SDK1: variants seen among roughly 807,000 people sequenced by gnomAD.
The protein encoded by SDK1 is sidekick cell adhesion molecule 1, also known as protein sidekick-1.
In SDK1, 157 loss-of-function variants were observed where a neutral mutation model predicts 245.5. The ratio of observed to expected loss-of-function variants is 0.64; its 90% CI spans 0.56 to 0.73. SDK1 has a LOEUF of 0.73. Among genes scored for constraint, SDK1 ranks in the 30% least tolerant of loss-of-function variants. SDK1 has a pLI of 0.00. For synonymous variants in SDK1, 1,647 were observed against 1,278.5 expected (o/e 1.29, Z -6.15); for missense variants, 3,583 against 3,002.3 (o/e 1.19, Z -4.52).
intron 1 of SDK1, among the ~76,000 whole-genome samples, chr7:3,447,391 T>C (rs371168024): frequency 6.6e-5 from 10 of 151,868 alleles, no homozygotes; most frequent in African/African-American, 2.4e-4. Flanking sequence ...TATCTCTTCA[T>C]ACTCTTCCCC....
chr7:3,569,743 TCTTA>T (rs1780048953), intron 1 of SDK1, among the ~76,000 whole-genome samples: 1 of 152,230 alleles, frequency 6.6e-6, no homozygotes, highest in Non-Finnish European at 1.5e-5. Flanking sequence ...TTAAGGCTCA[TCTTA>T]CTTTGTTTGA....
intron 1 of SDK1, among the ~76,000 whole-genome samples, chr7:3,373,526 C>G (rs1040598275): frequency 2.0e-5 from 3 of 152,084 alleles, no homozygotes; most frequent in Non-Finnish European, 4.4e-5. Flanking sequence ...TTAACATAGT[C>G]AAAGGTGTGT....
rs1039121207 is a variant in SDK1, at chr7:3,897,995, C to T, written c.848-52928C>T. On this transcript the variant is annotated intron_variant, in intron 5 of 44. Transcript: ENST00000404826. ...TTGCCCTCCTTTCCTTCCATGTGTG[C>T]ACAGTACACTGACCCAGGAAGCCGC... 3.3e-5 allele frequency among the ~76,000 whole-genome samples: 5 copies of T among 151,920 alleles called. No individual in the cohort carries two copies. The South Asian group carries it at 1.0e-3, about 32-fold the overall frequency.
intron 36 of SDK1, among the ~76,000 whole-genome samples, chr7:4,207,292 C>G (rs963758096): frequency 2.4e-4 from 37 of 152,206 alleles, no homozygotes; most frequent in African/African-American, 7.0e-4. Context: ...CTGGTTTAGA[C>G]CCACAGAGCC....
intron 1 of SDK1, among the ~76,000 whole-genome samples, chr7:3,595,161 T>TA: frequency 6.6e-6 from 1 of 152,110 alleles, no homozygotes; most frequent in Non-Finnish European, 1.5e-5. Flanking sequence ...GCCTGAATAA[T>TA]GTGAGCTTTT....
chr7:4,238,732 T>C, intron 42 of SDK1, among the ~76,000 whole-genome samples: 1 of 151,632 alleles, frequency 6.6e-6, no homozygotes, highest in East Asian at 2.0e-4. Context: ...ATTTTTAATA[T>C]GGATGGGGTT....
At chr7:3,346,816 T>TAG (rs1780515627) in intron 1 of SDK1, among the ~76,000 whole-genome samples, 2 of 61,602 alleles carry the variant, frequency 3.2e-5, no homozygotes, top group African/African-American at 1.4e-4. Context: ...TGTATATATA[T>TAG]ATATATATAT....
At position 3,448,961 on chromosome 7, in the gene SDK1, A is replaced by C. The variant is rs571251716; in HGVS notation, c.298+147077A>C. On this transcript the variant is annotated intron_variant, in intron 1 of 44. Coordinates refer to ENST00000404826, the MANE Select transcript of SDK1 (RefSeq NM_152744.4). ...GAACAAATTCACTAATCAGCTTGCA[A>C]CCTAACAATTTTAAGACCCTGGGGA... is the stretch of plus-strand genomic sequence containing the variant. Among the ~76,000 whole-genome samples the C allele has an allele frequency of 7.4e-4, 113 of 152,286 alleles. 4 individuals are homozygous for C. The South Asian group carries it at 0.023, about 31-fold the overall frequency.
chr7:4,007,474 A>G (rs1394656169), intron 14 of SDK1, among the ~76,000 whole-genome samples: 2 of 152,054 alleles, frequency 1.3e-5, no homozygotes, highest in African/African-American at 4.8e-5. Context: ...GGGAGGGCGG[A>G]GCTTGGATCT....
chr7:4,155,557 A>G (rs532189000), intron 30 of SDK1, among the ~76,000 whole-genome samples: 2 of 152,350 alleles, frequency 1.3e-5, no homozygotes, highest in South Asian at 4.1e-4. Flanking sequence ...GCTGAGTATA[A>G]TTACAGTTCA....
intron 4 of SDK1, among the ~76,000 whole-genome samples, chr7:3,782,283 TC>T (rs1780770412): frequency 6.6e-6 from 1 of 152,128 alleles, no homozygotes; most frequent in African/African-American, 2.4e-5. Flanking sequence ...GGTCTCCAAC[TC>T]CTTCTAACAA....
Position 4,265,184 on chromosome 7 carries a change from A to T in SDK1, c.6442A>T (p.Ser2148Cys). The T allele has an allele frequency of 6.2e-7, 1 of 1,612,324 alleles. No individual in the cohort carries two copies. The highest frequency in any genetic ancestry group is 2.2e-5 in the East Asian group (1 of 44,850). ...PKHSFVNHYM[S>C]DPTYYNSWKR... ...GCACTCCTTCGTGAACCACTACATG[A>T]GCGACCCCACCTACTACAACTCATG... is the stretch of plus-strand genomic sequence containing the variant. The change falls in exon 45 of 45, where the codon AGC (serine) becomes TGC (cysteine). Residue 2148 changes from serine to cysteine, a missense_variant. Transcript: ENST00000404826.
intron 1 of SDK1, among the ~76,000 whole-genome samples, chr7:3,483,467 C>T (rs1583927558): frequency 6.6e-6 from 1 of 152,192 alleles, no homozygotes; most frequent in East Asian, 1.9e-4. Flanking sequence ...TTTCTGATTG[C>T]CTCTGATTTT....
At chr7:3,850,910 T>G (rs538392829) in intron 5 of SDK1, among the ~76,000 whole-genome samples, 2 of 152,104 alleles carry the variant, frequency 1.3e-5, no homozygotes, top group Non-Finnish European at 1.5e-5. Context: ...CTAATGTAAA[T>G]GACGACTTAA....
chr7:3,354,213 TG>T (rs2128559005), intron 1 of SDK1, among the ~76,000 whole-genome samples: 1 of 152,222 alleles, frequency 6.6e-6, no homozygotes, highest in East Asian at 1.9e-4. Context: ...TTAGCTAGGA[TG>T]GTCTTGATCT....
chr7:3,403,859 A>ATTATG (rs72032537), intron 1 of SDK1, among the ~76,000 whole-genome samples: 1 of 104,136 alleles, frequency 9.6e-6, no homozygotes, highest in African/African-American at 4.4e-5. Flanking sequence ...ATATATATAT[A>ATTATG]TATATATATA....
intron 35 of SDK1, among the ~76,000 whole-genome samples, chr7:4,196,072 A>T (rs1783559929): frequency 6.6e-6 from 1 of 152,210 alleles, no homozygotes; most frequent in Non-Finnish European, 1.5e-5. Context: ...TACTGGAAGT[A>T]TCGTTATGTC....
At chr7:3,641,550 G>A (rs1199413874) in intron 3 of SDK1, among the ~76,000 whole-genome samples, 2 of 152,192 alleles carry the variant, frequency 1.3e-5, no homozygotes, top group Non-Finnish European at 1.5e-5. Context: ...AAGGGCCGGT[G>A]CCGGGCTGGA....
At chr7:3,370,589 CAA>C in intron 1 of SDK1, among the ~76,000 whole-genome samples, 2 of 152,116 alleles carry the variant, frequency 1.3e-5, no homozygotes, top group Non-Finnish European at 2.9e-5. Context: ...ATACCGCTTC[CAA>C]ATTCTCGTTA....
Sources: allele counts gnomAD v4.1 joint callset (sites outside exome capture counted in the v4.1 genomes callset), GRCh38; gene constraint gnomAD v4.1.1; transcripts MANE v1.5; gene names NCBI Gene and HGNC (gene_info 2026-07-23, HGNC 2026-07-21).